Variants in SHISA8 observed in about 807,000 individuals in gnomAD.
The protein encoded by SHISA8 is shisa family member 8.
A neutral mutation model predicts 21.1 loss-of-function variants in SHISA8; 21 were observed. The ratio of observed to expected loss-of-function variants is 0.99; its 90% CI spans 0.71 to 1.43. The LOEUF (loss-of-function observed/expected upper bound fraction) is 1.43, where lower values mean the gene tolerates loss of function less well. Among genes scored for constraint, SHISA8 ranks in the 40% most tolerant of loss-of-function variants. The pLI is 0.00. For synonymous variants in SHISA8, 300 were observed against 291.4 expected (o/e 1.03, Z -0.30); for missense variants, 535 against 599.1 (o/e 0.89, Z 1.12).
At position 41,910,614 on chromosome 22, in the gene SHISA8, T is replaced by C; in HGVS notation, c.665-60A>G. The C allele has an allele frequency of 8.2e-7, 1 of 1,214,414 alleles. No homozygotes were observed. The highest frequency in any genetic ancestry group is 1.0e-6 in the Non-Finnish European group (1 of 976,226). The allele number at this position is 1,214,414 out of a possible 1,614,324, so 75.2% of individuals were successfully genotyped here. Reference sequence around the variant, plus strand: ...GCCCCGGTTCACTCCGCCCTCGCTGTCACCTCTCCGTAGTCCTCTCCCCGA... The same window carrying C: ...GCCCCGGTTCACTCCGCCCTCGCTGCCACCTCTCCGTAGTCCTCTCCCCGA... On this transcript the variant is annotated intron_variant, in intron 2 of 3. Coordinates refer to ENST00000621082, the MANE Select transcript of SHISA8 (RefSeq NM_001207020.3). This position sits in a 1 kb window ranked among gnomAD's most constrained non-coding sequence, Gnocchi z 6.8.
intron 1 of SHISA8, among the ~76,000 whole-genome samples, chr22:41,913,130 T>A (rs547761848): frequency 4.6e-4 from 70 of 152,304 alleles, no homozygotes; most frequent in African/African-American, 1.7e-3. Context: ...TAGAGCTCCC[T>A]GGGAGAAAGT....
Position 41,914,389 on chromosome 22 carries a change from G to T in SHISA8, c.279C>A (p.Cys93Ter). ...FCCGTCGYRF[C>*]CHDGPRRLDQ... Reference sequence around the variant, plus strand: ...CGAGGCGCCGCGGCCCGTCGTGGCAGCAGAAGCGGTAGCCGCACGTGCCGC... The same window carrying T: ...CGAGGCGCCGCGGCCCGTCGTGGCATCAGAAGCGGTAGCCGCACGTGCCGC... Residue 93 changes from cysteine to a stop codon, truncating the protein, a stop_gained, in exon 1 of 4, where the codon TGC (cysteine) becomes TGA (stop). Transcript: ENST00000621082. LOFTEE classifies it high-confidence loss of function. The surrounding 1 kb of genome is among the most constrained non-coding windows in gnomAD (Gnocchi z 6.8). 7.6e-7 allele frequency: 1 copy of T among 1,321,450 alleles called. No individual in the cohort carries two copies. Among genetic ancestry groups the T allele is most frequent in the Non-Finnish European group, 9.7e-7 (1 of 1,034,094 alleles). 81.9% of individuals were successfully genotyped at this position (1,321,450 alleles called of 1,614,324 possible).
Position 41,911,278 on chromosome 22 carries a change from C to A in SHISA8, c.602G>T (p.Gly201Val), listed in dbSNP as rs1010734503. Residue 201 changes from glycine (G) to valine (V), a missense_variant, in exon 2 of 4, where the codon GGT becomes GTT. Physicochemically the swap from Gly to Val is moderately radical, Grantham distance 109. Transcript: ENST00000621082. ...CCCCATCTGCACCTGGACACAGCCACCCAGGGGTGGGCCCAGGGTGGGAGG... is the reference window on the plus strand; with the variant it reads ...CCCCATCTGCACCTGGACACAGCCAACCAGGGGTGGGCCCAGGGTGGGAGG... ...PLPPTLGPPL[G>V]GCVQVQMGDG... The A allele has an allele frequency of 1.1e-5, 14 of 1,259,720 alleles. No homozygotes were observed. The highest frequency in any genetic ancestry group is 1.4e-5 in the Non-Finnish European group (14 of 1,002,184). The allele number at this position is 1,259,720 out of a possible 1,614,324, so 78.0% of individuals were successfully genotyped here.
rs1057230235 is a variant in SHISA8, at chr22:41,910,815, C to T, written c.665-261G>A. 2.0e-5 allele frequency among the ~76,000 whole-genome samples: 3 copies of T among 152,092 alleles called. No individual in the cohort carries two copies. The highest frequency in any genetic ancestry group is 2.1e-4 in the South Asian group (1 of 4,828). On this transcript the variant is annotated intron_variant, in intron 2 of 3. Transcript: ENST00000621082. This position sits in a 1 kb window ranked among gnomAD's most constrained non-coding sequence, Gnocchi z 6.8. Reference sequence around the variant, plus strand: ...GAACGGCTCGCCCGGAGGCGACGCTCGAGCCAGGCGCGGAGTCCTGGGACC... The same window carrying T: ...GAACGGCTCGCCCGGAGGCGACGCTTGAGCCAGGCGCGGAGTCCTGGGACC...
rs1050978081 is a variant in SHISA8 at position 41,914,825 on chromosome 22, G to A, written c.-158C>T. Among the ~76,000 whole-genome samples the A allele has an allele frequency of 1.3e-5, 2 of 151,336 alleles. No homozygotes were observed. Among genetic ancestry groups the A allele is most frequent in the South Asian group, 2.1e-4 (1 of 4,832 alleles). On this transcript the variant is annotated 5_prime_UTR_variant, in exon 1 of 4. Transcript: ENST00000621082. This position sits in a 1 kb window ranked among gnomAD's most constrained non-coding sequence, Gnocchi z 6.8. Reference sequence around the variant, plus strand: ...GGGACCCCAGCCCCGAGTGGGCTGGGTCTGGAGCTCCGAGGCCGCACCTCC... The same window carrying A: ...GGGACCCCAGCCCCGAGTGGGCTGGATCTGGAGCTCCGAGGCCGCACCTCC...
rs1457127314 is a variant in SHISA8, at chr22:41,915,015, G to C, written c.-348C>G. Among the ~76,000 whole-genome samples, 1 of 151,826 alleles carries C rather than the reference G, an allele frequency of 6.6e-6. No homozygotes were observed. Among genetic ancestry groups the C allele is most frequent in the East Asian group, 1.9e-4 (1 of 5,148 alleles). On this transcript the variant is annotated 5_prime_UTR_variant, in exon 1 of 4. Coordinates refer to ENST00000621082, the MANE Select transcript of SHISA8 (RefSeq NM_001207020.3). This position sits in a 1 kb window ranked among gnomAD's most constrained non-coding sequence, Gnocchi z 5.0. Reference sequence around the variant, plus strand: ...TTGGCCCTAGCGGAGGCCGCGCCGGGGCCGCGGGCCGCCCGACTGCGCTAC... The same window carrying C: ...TTGGCCCTAGCGGAGGCCGCGCCGGCGCCGCGGGCCGCCCGACTGCGCTAC...
intron 1 of SHISA8, among the ~76,000 whole-genome samples, chr22:41,912,443 G>A (rs1196656379): frequency 6.6e-6 from 1 of 152,128 alleles, no homozygotes; most frequent in East Asian, 1.9e-4. Context: ...TACCTGCCTG[G>A]GCTGACCTTC....
rs1237984432 is a variant in SHISA8, at chr22:41,914,242, G to A, written c.426C>T (p.Val142=). The change falls in exon 1 of 4, where the codon GTC becomes GTT. Residue 142 remains valine, a synonymous_variant. Transcript: ENST00000621082. The surrounding 1 kb of genome is among the most constrained non-coding windows in gnomAD (Gnocchi z 6.8). ...DPGRERSHTA[V]YAVCGVAALL... ...GCGCTGCGACGCCGCACACAGCGTA[G>A]ACGGCCGTATGGCTGCGCTCGCGGC... 1 of 1,393,070 alleles carries A rather than the reference G, an allele frequency of 7.2e-7. No homozygotes were observed. The highest frequency in any genetic ancestry group is 3.5e-5 in the Admixed American group (1 of 28,978). The allele number at this position is 1,393,070 out of a possible 1,614,324, so 86.3% of individuals were successfully genotyped here.
chr22:41,913,520 A>C (rs1269534438), intron 1 of SHISA8, among the ~76,000 whole-genome samples: 1 of 152,206 alleles, frequency 6.6e-6, no homozygotes, highest in Non-Finnish European at 1.5e-5. Flanking sequence ...TGCAACAAGC[A>C]CCTGTCCTGG....
chr22:41,910,361 A>G lies in SHISA8; in HGVS notation c.811+47T>C. ...GCGGCCCCGCGCTTCGCAGTCCGGG[A>G]GCTCGTGCGCCCAGGTGCCCTGACG... On this transcript the variant is annotated intron_variant, in intron 3 of 3. Transcript: ENST00000621082. This position sits in a 1 kb window ranked among gnomAD's most constrained non-coding sequence, Gnocchi z 6.8. 1 of 1,267,386 alleles carries G rather than the reference A, an allele frequency of 7.9e-7. No individual in the cohort carries two copies. The highest frequency in any genetic ancestry group is 9.9e-7 in the Non-Finnish European group (1 of 1,008,344). The allele number at this position is 1,267,386 out of a possible 1,614,324, so 78.5% of individuals were successfully genotyped here.
At position 41,909,947 on chromosome 22, in the gene SHISA8, G is replaced by A. The variant is rs1208808064; in HGVS notation, c.1012C>T (p.Pro338Ser). ...WTSSRPARPA[P>S]LSHPTARAFQ... ...GCCCGAGCCGTCGGGTGGCTGAGCG[G>A]GGCGGGCCGGGCCGGGCGACTGGAG... Residue 338 changes from proline to serine, a missense_variant, in exon 4 of 4, where the codon CCG (proline) becomes TCG (serine). Transcript: ENST00000621082. 2.7e-6 allele frequency: 4 copies of A among 1,489,576 alleles called. No homozygotes were observed. The highest frequency in any genetic ancestry group is 2.7e-5 in the East Asian group (1 of 36,546). The allele number at this position is 1,489,576 out of a possible 1,614,324, so 92.3% of individuals were successfully genotyped here.
Position 41,909,780 on chromosome 22 carries a change from G to A in SHISA8, c.1179C>T (p.Thr393=). The change falls in exon 4 of 4, where the codon ACC becomes ACT. Residue 393 remains threonine (T), a synonymous_variant. Coordinates refer to ENST00000621082, the MANE Select transcript of SHISA8 (RefSeq NM_001207020.3). ...CGGCCCCGCTTCACACGGTGACCTCGGTCTTGCTATTGGTCCTTAGGTACC... is the reference window on the plus strand; with the variant it reads ...CGGCCCCGCTTCACACGGTGACCTCAGTCTTGCTATTGGTCCTTAGGTACC... ...GSRYLRTNSK[T]EVTV is the part of the protein sequence containing the mutation. 1 of 1,481,506 alleles carries A rather than the reference G, an allele frequency of 6.7e-7. No individual in the cohort carries two copies. The highest frequency in any genetic ancestry group is 8.9e-7 in the Non-Finnish European group (1 of 1,118,174). The allele number at this position is 1,481,506 out of a possible 1,614,324, so 91.8% of individuals were successfully genotyped here.
Position 41,910,112 on chromosome 22 carries a change from C to T in SHISA8, c.847G>A (p.Ala283Thr), listed in dbSNP as rs1212238615. The T allele has an allele frequency of 2.4e-6, 3 of 1,238,446 alleles. No individual in the cohort carries two copies. Among genetic ancestry groups the T allele is most frequent in the Non-Finnish European group, 3.0e-6 (3 of 994,282 alleles). The allele number at this position is 1,238,446 out of a possible 1,614,324, so 76.7% of individuals were successfully genotyped here. Residue 283 changes from alanine (A) to threonine (T), a missense_variant, in exon 4 of 4, where the codon GCC becomes ACC. Ala to Thr is a moderately conservative substitution (Grantham distance 58, BLOSUM62 0). Transcript: ENST00000621082. This position sits in a 1 kb window ranked among gnomAD's most constrained non-coding sequence, Gnocchi z 6.8. ...GGTTGCCGCGGGGACGGCTCGAGGG[C>T]GGGGAAACGCTGACAGAAGTCCCGC... Reference protein sequence around the residue: ...APRDFCQRFPALEPSPRQPPA... With the variant: ...APRDFCQRFPTLEPSPRQPPA...
Position 41,914,159 on chromosome 22 carries a change from C to T in SHISA8, c.509G>A (p.Arg170His), listed in dbSNP as rs1317426894. ...TCACCTGGTCACTGTGCGCCGCGCG[C>T]GCGGGCTGTGCGCCCTCTCCAGTCC... ...RLGLERAHSPRARRTVTRALT... is the reference protein window; with the variant it reads ...RLGLERAHSPHARRTVTRALT... The change falls in exon 1 of 4, where the codon CGC becomes CAC. Residue 170 changes from arginine to histidine, a missense_variant. Transcript: ENST00000621082. This position sits in a 1 kb window ranked among gnomAD's most constrained non-coding sequence, Gnocchi z 6.8. 1 of 1,447,056 alleles carries T rather than the reference C, an allele frequency of 6.9e-7. No individual in the cohort carries two copies. The highest frequency in any genetic ancestry group is 9.0e-7 in the Non-Finnish European group (1 of 1,110,566). 89.6% of individuals were successfully genotyped at this position (1,447,056 alleles called of 1,614,324 possible). A position where few individuals can be genotyped will look rare whatever the true frequency, so the allele number is the denominator to read the frequency against.
Position 41,914,223 on chromosome 22 carries a change from C to A in SHISA8, c.445G>T (p.Ala149Ser). ...HTAVYAVCGV[A>S]ALLVLAGIGA... ...ATGCCGGCCAGCACCAGCAGCGCTG[C>A]GACGCCGCACACAGCGTAGACGGCC... The change falls in exon 1 of 4, where the codon GCA becomes TCA. Residue 149 changes from alanine to serine, a missense_variant. Physicochemically the swap from Ala to Ser is moderately conservative, Grantham distance 99 (BLOSUM62 1). Transcript: ENST00000621082. This position sits in a 1 kb window ranked among gnomAD's most constrained non-coding sequence, Gnocchi z 6.8. The A allele has an allele frequency of 6.9e-7, 1 of 1,448,992 alleles. No homozygotes were observed. Among genetic ancestry groups the A allele is most frequent in the Non-Finnish European group, 9.0e-7 (1 of 1,110,008 alleles). The allele number at this position is 1,448,992 out of a possible 1,614,324, so 89.8% of individuals were successfully genotyped here. A position where few individuals can be genotyped will look rare whatever the true frequency, so the allele number is the denominator to read the frequency against.
chr22:41,914,547 GGGCTCCCGCGCGGCCCGACGGC>G lies in SHISA8; in HGVS notation c.99_120del (p.Ser35ArgfsTer25), dbSNP rs1569418707. 8.4e-7 allele frequency: 1 copy of G among 1,193,954 alleles called. No homozygotes were observed. Among genetic ancestry groups the G allele is most frequent in the Non-Finnish European group, 1.0e-6 (1 of 964,376 alleles). The allele number at this position is 1,193,954 out of a possible 1,614,324, so 74.0% of individuals were successfully genotyped here. Reference sequence around the variant, plus strand: ...GGCGCCGCGGGACCCTGCGCCTCGGGGGCTCCCGCGCGGCCCGACGGCGGCCGCGCCAGCAGCAACGCGAGCC... The same window carrying G: ...GGCGCCGCGGGACCCTGCGCCTCGGGGGCCGCGCCAGCAGCAACGCGAGCC... On this transcript the variant is annotated frameshift_variant, in exon 1 of 4. Transcript: ENST00000621082. LOFTEE classifies it high-confidence loss of function. This position sits in a 1 kb window ranked among gnomAD's most constrained non-coding sequence, Gnocchi z 6.8.
chr22:41,911,752 T>A (rs988265850), intron 1 of SHISA8, among the ~76,000 whole-genome samples: 1 of 152,160 alleles, frequency 6.6e-6, no homozygotes, highest in Non-Finnish European at 1.5e-5. Context: ...TTTTTTAATT[T>A]TTTTATCTTT....
intron 1 of SHISA8, among the ~76,000 whole-genome samples, chr22:41,913,460 G>A (rs1016055595): frequency 3.9e-5 from 6 of 152,200 alleles, no homozygotes; most frequent in South Asian, 4.1e-4. Context: ...CGTTCCAACC[G>A]AGGAAGGGGA....
chr22:41,914,635 G>T lies in SHISA8; in HGVS notation c.33C>A (p.Gly11=). The T allele has an allele frequency of 9.6e-7, 1 of 1,040,378 alleles. No individual in the cohort carries two copies. The allele number at this position is 1,040,378 out of a possible 1,614,324, so 64.4% of individuals were successfully genotyped here. A position where few individuals can be genotyped will look rare whatever the true frequency, so the allele number is the denominator to read the frequency against. Reference sequence around the variant, plus strand: ...GCCGGAGGCCGGGAGGACGGCGGCCGCCGAGCAGTCCCCGCGCCCCGGCCC... The same window carrying T: ...GCCGGAGGCCGGGAGGACGGCGGCCTCCGAGCAGTCCCCGCGCCCCGGCCC... MARAGARGLL[G]GRRPPGLRLA... is the part of the protein sequence containing the mutation. Residue 11 remains glycine (G), a synonymous_variant, in exon 1 of 4, where the codon GGC becomes GGA. Coordinates refer to ENST00000621082, the MANE Select transcript of SHISA8 (RefSeq NM_001207020.3). This position sits in a 1 kb window ranked among gnomAD's most constrained non-coding sequence, Gnocchi z 6.8.
Sources: allele counts gnomAD v4.1 joint callset (sites outside exome capture counted in the v4.1 genomes callset), GRCh38; gene constraint gnomAD v4.1.1; non-coding constraint Gnocchi (gnomAD v3.1); transcripts MANE v1.5; gene names NCBI Gene and HGNC (gene_info 2026-07-23, HGNC 2026-07-21).